The following UBR3 variants were observed in gnomAD, a reference collection of about 807,000 sequenced individuals.
The protein encoded by UBR3 is E3 ubiquitin-protein ligase UBR3.
Under a neutral mutation model 243.2 loss-of-function variants are expected in UBR3, and 85 were observed. The observed-to-expected ratio is 0.35, with a 90% CI of 0.29 to 0.42. The LOEUF (loss-of-function observed/expected upper bound fraction) is 0.42. UBR3 is among the 10% of genes least tolerant of loss of function. UBR3 has a pLI of 1.00. For synonymous variants in UBR3, 748 were observed against 799.8 expected (o/e 0.94, Z 1.09); for missense variants, 1,686 against 2,300.8 (o/e 0.73, Z 5.47).
At chr2:169,893,697 G>A (rs1463171660) in intron 6 of UBR3, among the ~76,000 whole-genome samples, 2 of 152,058 alleles carry the variant, frequency 1.3e-5, no homozygotes, top group African/African-American at 4.8e-5. Context: ...GAGTAGTTGG[G>A]ACTACAGGCG....
At chr2:169,982,427 A>G (rs2088781776) in intron 24 of UBR3, among the ~76,000 whole-genome samples, 1 of 152,088 alleles carries the variant, frequency 6.6e-6, no homozygotes, top group Non-Finnish European at 1.5e-5. Flanking sequence ...TTGTAATTAA[A>G]GATTAATTTT....
rs56238118 is a variant in UBR3 at position 169,955,793 on chromosome 2, C to CAAAAAAAAAAAAA, written c.3546-2639_3546-2627dup. 7.1e-3 allele frequency among the ~76,000 whole-genome samples: 555 copies of CAAAAAAAAAAAAA among 78,330 alleles called. 47 individuals are homozygous for CAAAAAAAAAAAAA. Among genetic ancestry groups the CAAAAAAAAAAAAA allele is most frequent in the African/African-American group, 0.019 (388 of 20,722 alleles). The allele number at this position is 78,330 out of a possible 152,430, so 51.4% of individuals were successfully genotyped here. A position where few individuals can be genotyped will look rare whatever the true frequency, so the allele number is the denominator to read the frequency against. ...TGGGCCATAGAGTGAGACTCCATCT[C>CAAAAAAAAAAAAA]AAAAAAAAAAAAAAAAAAGATGTTG... On this transcript the variant is annotated intron_variant, in intron 23 of 38. Coordinates refer to ENST00000272793, the MANE Select transcript of UBR3 (RefSeq NM_172070.4).
chr2:169,992,610 T>C (rs1444674828), intron 25 of UBR3, among the ~76,000 whole-genome samples: 1 of 152,366 alleles, frequency 6.6e-6, no homozygotes, highest in East Asian at 1.9e-4. Flanking sequence ...TTTCTGTTGC[T>C]GTTATAAATC....
rs577278475 is a variant in UBR3 at position 169,998,569 on chromosome 2, T to C, written c.3919-2735T>C. ...CACATGCTATGTGTGTTGTAGATGC[T>C]TACTGGGTTTCTTCCTGAATTACTC... On this transcript the variant is annotated intron_variant, in intron 26 of 38. Transcript: ENST00000272793. Among the ~76,000 whole-genome samples the C allele has an allele frequency of 9.2e-5, 14 of 152,346 alleles. No homozygotes were observed. The South Asian group carries it at 2.5e-3, about 27-fold the overall frequency.
intron 33 of UBR3, among the ~76,000 whole-genome samples, chr2:170,057,207 C>CT (rs2091355311): frequency 6.6e-6 from 1 of 151,578 alleles, no homozygotes; most frequent in South Asian, 2.1e-4. Flanking sequence ...CCTCAACCTC[C>CT]TGGGCCCAAG....
rs1194722847 is a variant in UBR3, at chr2:169,971,971, C to A, written c.3634+13445C>A. Among the ~76,000 whole-genome samples, 40 of 152,170 alleles carry A rather than the reference C, an allele frequency of 2.6e-4. No homozygotes were observed. The South Asian group carries it at 8.3e-3, about 32-fold the overall frequency. On this transcript the variant is annotated intron_variant, in intron 24 of 38. Transcript: ENST00000272793. ...AAAACCCTTCAAAAAATTAATGAAT[C>A]CAGGAGCTGGTTTTTTGAAAGGATC...
chr2:169,830,383 T>C (rs2081894170), intron 1 of UBR3, among the ~76,000 whole-genome samples: 1 of 152,226 alleles, frequency 6.6e-6, no homozygotes, highest in Non-Finnish European at 1.5e-5. Flanking sequence ...TTTTGGACTT[T>C]TATCTATTTG....
intron 24 of UBR3, among the ~76,000 whole-genome samples, chr2:169,972,924 G>T (rs201980369): frequency 0.2 from 29,064 of 144,596 alleles, 3,256 homozygotes; most frequent in East Asian, 0.36. Context: ...GGGCAATTAG[G>T]CAGGAGAAGG....
intron 24 of UBR3, among the ~76,000 whole-genome samples, chr2:169,980,771 C>T (rs1479371882): frequency 7.9e-6 from 1 of 125,836 alleles, no homozygotes; most frequent in Non-Finnish European, 1.7e-5. Context: ...TCCCCCCTCC[C>T]CCCTCCCCCC....
intron 8 of UBR3, among the ~76,000 whole-genome samples, chr2:169,902,266 C>T (rs147393907): frequency 4.5e-4 from 69 of 152,308 alleles, no homozygotes; most frequent in African/African-American, 1.6e-3. Context: ...CACCATAGTT[C>T]AAACCATGGC....
At chr2:169,882,294 ATATT>A (rs1190752790) in intron 5 of UBR3, among the ~76,000 whole-genome samples, 2 of 139,736 alleles carry the variant, frequency 1.4e-5, no homozygotes, top group African/African-American at 2.6e-5. Context: ...TATATATTGT[ATATT>A]TATGTATATT....
intron 13 of UBR3, 99 bp from the exon 14 acceptor site, chr2:169,925,515 TTATAC>T (rs2085877616): frequency 2.8e-6 from 3 of 1,066,146 alleles, no homozygotes; most frequent in Non-Finnish European, 2.6e-6. Flanking sequence ...AATATCGGGC[TTATAC>T]TATGATCACA....
chr2:170,001,928 A>AAAAAAAAAAAAAAAAAAC (rs2089720598), intron 27 of UBR3, among the ~76,000 whole-genome samples: 1 of 149,284 alleles, frequency 6.7e-6, no homozygotes, highest in Non-Finnish European at 1.5e-5. Context: ...AAAAAAAAAA[A>AAAAAAAAAAAAAAAAAAC]AAAAAAAAAA....
At chr2:169,956,178 T>C (rs983940975) in intron 23 of UBR3, among the ~76,000 whole-genome samples, 1 of 149,886 alleles carries the variant, frequency 6.7e-6, no homozygotes, top group African/African-American at 2.5e-5. Flanking sequence ...TCTCTACTTC[T>C]GCAGTGAGAT....
intron 17 of UBR3, among the ~76,000 whole-genome samples, chr2:169,928,414 TGAA>T (rs573375033): frequency 2.0e-5 from 3 of 152,260 alleles, no homozygotes; most frequent in Admixed American, 6.5e-5. Context: ...ATGGTAAAAA[TGAA>T]GACACATTTT....
At chr2:170,051,296 T>A (rs1186931705) in intron 32 of UBR3, among the ~76,000 whole-genome samples, 1 of 152,166 alleles carries the variant, frequency 6.6e-6, no homozygotes, top group East Asian at 1.9e-4. Flanking sequence ...AAGCTAAAAC[T>A]ATAGTGGCTA....
intron 1 of UBR3, among the ~76,000 whole-genome samples, chr2:169,861,011 G>T (rs758811664): frequency 6.6e-6 from 1 of 152,176 alleles, no homozygotes; most frequent in South Asian, 2.1e-4. Flanking sequence ...ATGTTCAAGG[G>T]CAGGATGCAT....
intron 5 of UBR3, among the ~76,000 whole-genome samples, chr2:169,887,746 A>G (rs1272668194): frequency 2.6e-5 from 4 of 151,920 alleles, no homozygotes; most frequent in African/African-American, 4.8e-5. Context: ...AACCTCTGAC[A>G]TTCTTTATTT....
chr2:169,862,000 C>T (rs1045144246), intron 1 of UBR3, among the ~76,000 whole-genome samples: 13 of 152,054 alleles, frequency 8.5e-5, no homozygotes, highest in Non-Finnish European at 1.9e-4. Context: ...TGAATTTTGC[C>T]TTTATTGTAA....
Sources: allele counts gnomAD v4.1 joint callset (sites outside exome capture counted in the v4.1 genomes callset), GRCh38; gene constraint gnomAD v4.1.1; transcripts MANE v1.5; gene names NCBI Gene and HGNC (gene_info 2026-07-23, HGNC 2026-07-21).